Variants in BOP1 observed in about 807,000 individuals in gnomAD.
The protein encoded by BOP1 is BOP1 ribosomal biogenesis factor.
Under a neutral mutation model 82.9 loss-of-function variants are expected in BOP1, and 54 were observed. That is an observed-to-expected ratio of 0.65 (90% CI 0.52 to 0.82). The LOEUF (loss-of-function observed/expected upper bound fraction) is 0.82. Ranked by LOEUF, BOP1 falls within the 40% of genes least tolerant of loss-of-function variation. BOP1 has a pLI of 0.00. For synonymous variants in BOP1, 566 were observed against 451.1 expected (o/e 1.25, Z -3.23); for missense variants, 1,170 against 1,072.0 (o/e 1.09, Z -1.28).
At position 144,291,025 on chromosome 8, in the gene BOP1, C is replaced by A. The variant is rs941122073; in HGVS notation, c.99+247G>T. Among the ~76,000 whole-genome samples, 2 of 152,240 alleles carry A rather than the reference C, an allele frequency of 1.3e-5. No homozygotes were observed. The highest frequency in any genetic ancestry group is 2.9e-5 in the Non-Finnish European group (2 of 68,036). ...TGCACAAATGGAACGGCTGGAGAGGCTGCTGCAAGGGGCGCCCCGTCCCCA... is the reference window on the plus strand; with the variant it reads ...TGCACAAATGGAACGGCTGGAGAGGATGCTGCAAGGGGCGCCCCGTCCCCA... On this transcript the variant is annotated intron_variant, in intron 1 of 15. Transcript: ENST00000569669. The surrounding 1 kb of genome is among the most constrained non-coding windows in gnomAD (Gnocchi z 4.1).
chr8:144,268,011 G>C, intron 3 of BOP1: 3 of 1,541,926 alleles, frequency 1.9e-6, no homozygotes, highest in Non-Finnish European at 2.6e-6. Context: ...CTTGGCGCTG[G>C]CCACCTGAGA....
rs1294844303 is a variant in BOP1 at position 144,264,623 on chromosome 8, G to A, written c.664-7C>T. On this transcript the variant is annotated splice_region_variant and splice_polypyrimidine_tract_variant and intron_variant, in intron 5 of 15. Transcript: ENST00000569669. The stretch of plus-strand genomic sequence containing the variant: ...TGAAGAAGTCGACAGCCGGCTGGGG[G>A]AGAAGATGTGGGCGTGTGGGCCAGA... 10 of 1,589,672 alleles carry A rather than the reference G, an allele frequency of 6.3e-6. No individual in the cohort carries two copies. Among genetic ancestry groups the A allele is most frequent in the African/African-American group, 1.3e-5 (1 of 74,520 alleles).
chr8:144,263,351 G>A lies in BOP1; in HGVS notation c.1475C>T (p.Ala492Val), dbSNP rs1462472072. The A allele has an allele frequency of 1.1e-5, 17 of 1,595,492 alleles. No homozygotes were observed. In the Admixed American group the frequency reaches 1.2e-4, roughly 11 times the overall value. Residue 492 changes from alanine to valine, a missense_variant, in exon 12 of 16, where the codon GCG (alanine) becomes GTG (valine). Transcript: ENST00000569669. The stretch of plus-strand genomic sequence containing the variant: ...GCTCAACAGCTGATCTGTGCTGCCC[G>A]CCACCAGCCGGTCCCCCAGAGCTGG... The part of the protein sequence containing the change: ...LNPALGDRLV[A>V]GSTDQLLSAF...
rs1845341240 is a variant in BOP1 at position 144,265,525 on chromosome 8, C to T, written c.391-454G>A. On this transcript the variant is annotated intron_variant, in intron 3 of 15. Coordinates refer to ENST00000569669, the MANE Select transcript of BOP1 (RefSeq NM_015201.5). The stretch of plus-strand genomic sequence containing the variant: ...AAGCCAAGACCTCTCTGTGGGGGAC[C>T]CCCCACCGTCTGCCCTCGGCCCCTC... 6 of 177,548 alleles carry T rather than the reference C, an allele frequency of 3.4e-5. No homozygotes were observed. In the South Asian group the frequency reaches 9.1e-4, roughly 27 times the overall value. The allele number at this position is 177,548 out of a possible 1,614,324, so 11.0% of individuals were successfully genotyped here.
Position 144,264,544 on chromosome 8 carries a change from A to G in BOP1, c.736T>C (p.Phe246Leu). The change falls in exon 6 of 16, where the codon TTC becomes CTC. Residue 246 changes from phenylalanine (F) to leucine (L), a missense_variant. Coordinates refer to ENST00000569669, the MANE Select transcript of BOP1 (RefSeq NM_015201.5). ...TCCTTCTCCACCAGGGAGGGGATGA[A>G]GCTGCGCTTGTCGGCCGGGCGGTTG... ...VTNRPADKRS[F>L]IPSLVEKEKV... 6.2e-7 allele frequency: 1 copy of G among 1,610,582 alleles called. No individual in the cohort carries two copies. The highest frequency in any genetic ancestry group is 2.2e-5 in the East Asian group (1 of 44,840).
At chr8:144,290,677 A>C (rs1588613404) in intron 1 of BOP1, among the ~76,000 whole-genome samples, 1 of 152,196 alleles carries the variant, frequency 6.6e-6, no homozygotes, top group Non-Finnish European at 1.5e-5. Context: ...CATTCAGCCC[A>C]TGGGAGCCAG....
At chr8:144,265,165 G>C in intron 3 of BOP1, 94 bp from the exon 4 acceptor site, 1 of 1,436,732 alleles carries the variant, frequency 7.0e-7, no homozygotes, top group African/African-American at 1.4e-5. Flanking sequence ...GTTGCAGGGG[G>C]AGTGCAGGCC....
rs1424374707 is a variant in BOP1, at chr8:144,289,193, T to C, written c.211A>G (p.Ser71Gly). 1 of 1,614,088 alleles carries C rather than the reference T, an allele frequency of 6.2e-7. No individual in the cohort carries two copies. The highest frequency in any genetic ancestry group is 8.5e-7 in the Non-Finnish European group (1 of 1,180,036). Reference protein sequence around the residue: ...SGLEDSGSDSSEDDDEGDEEG... With the variant: ...SGLEDSGSDSGEDDDEGDEEG... ...TCGTCGCCTTCGTCATCATCCTCAC[T>C]GCTGTCACTGCCGGAATCTTCCAGG... Residue 71 changes from serine (S) to glycine (G), a missense_variant, in exon 2 of 16, where the codon AGT becomes GGT. Coordinates refer to ENST00000569669, the MANE Select transcript of BOP1 (RefSeq NM_015201.5).
intron 2 of BOP1, among the ~76,000 whole-genome samples, chr8:144,279,576 G>C (rs1214585945): frequency 6.6e-6 from 1 of 152,206 alleles, no homozygotes; most frequent in Non-Finnish European, 1.5e-5. Context: ...GGGGAGCGCT[G>C]GGGGAAGAGA....
intron 2 of BOP1, among the ~76,000 whole-genome samples, chr8:144,283,096 G>A (rs1476125202): frequency 6.7e-6 from 1 of 150,348 alleles, no homozygotes; most frequent in Admixed American, 6.7e-5. Context: ...TACTCAGGAG[G>A]TTGAGGCACG....
rs2130185818 is a variant in BOP1, at chr8:144,262,509, G to A, written c.1980-6C>T. 2 of 1,612,950 alleles carry A rather than the reference G, an allele frequency of 1.2e-6. No homozygotes were observed. The highest frequency in any genetic ancestry group is 1.3e-5 in the African/African-American group (1 of 74,978). The stretch of plus-strand genomic sequence containing the variant: ...GCAGAGCCTTCTTGTGGTGTCTGGG[G>A]GGAGGGAACCAGGTTGAAGGCAGGC... On this transcript the variant is annotated splice_region_variant and splice_polypyrimidine_tract_variant and intron_variant, in intron 14 of 15. Coordinates refer to ENST00000569669, the MANE Select transcript of BOP1 (RefSeq NM_015201.5).
Position 144,289,061 on chromosome 8 carries a change from G to A in BOP1, c.309+34C>T, listed in dbSNP as rs782614586. 4 of 1,611,038 alleles carry A rather than the reference G, an allele frequency of 2.5e-6. No homozygotes were observed. In the South Asian group the frequency reaches 4.4e-5, roughly 18 times the overall value. On this transcript the variant is annotated intron_variant, in intron 2 of 15. Transcript: ENST00000569669. ...AAGCCCAAGGCCACCTGCACATGGG[G>A]GACAGCCCTCGAGGGGGCTCCTCGC...
chr8:144,268,335 G>A (rs894149596), intron 3 of BOP1: 14 of 734,050 alleles, frequency 1.9e-5, no homozygotes, highest in Admixed American at 2.8e-5. Context: ...GGGACTCTGC[G>A]CTGGCCCCAG....
intron 3 of BOP1, 113 bp from the exon 4 acceptor site, chr8:144,265,184 A>T: frequency 7.8e-7 from 1 of 1,276,544 alleles, no homozygotes; most frequent in Non-Finnish European, 1.1e-6. Context: ...CCCAGCCTCA[A>T]GTGCCCTGAG....
Position 144,291,191 on chromosome 8 carries a change from G to A in BOP1, c.99+81C>T, listed in dbSNP as rs1022378394. 8.0e-7 allele frequency: 1 copy of A among 1,244,060 alleles called. No individual in the cohort carries two copies. The highest frequency in any genetic ancestry group is 1.0e-6 in the Non-Finnish European group (1 of 976,388). 77.1% of individuals were successfully genotyped at this position (1,244,060 alleles called of 1,614,324 possible). A position where few individuals can be genotyped will look rare whatever the true frequency, so the allele number is the denominator to read the frequency against. The stretch of plus-strand genomic sequence containing the variant: ...CGCGGGCGCCCAGGTGACAGAAGCC[G>A]GGCCCACCCGCCCCAGCGCGGCCAC... On this transcript the variant is annotated intron_variant, in intron 1 of 15. Transcript: ENST00000569669. The surrounding 1 kb of genome is among the most constrained non-coding windows in gnomAD (Gnocchi z 4.1).
At position 144,264,561 on chromosome 8, in the gene BOP1, G is replaced by C. The variant is rs994427127; in HGVS notation, c.719C>G (p.Pro240Arg). The change falls in exon 6 of 16, where the codon CCG (proline) becomes CGG (arginine). Residue 240 changes from proline (P) to arginine (R), a missense_variant. Pro to Arg is a moderately radical substitution (Grantham distance 103, BLOSUM62 -2). Coordinates refer to ENST00000569669, the MANE Select transcript of BOP1 (RefSeq NM_015201.5). The stretch of plus-strand genomic sequence containing the variant: ...GGGGATGAAGCTGCGCTTGTCGGCC[G>C]GGCGGTTGGTCACCGGGTGGATCAT... Reference protein sequence around the residue: ...DVMIHPVTNRPADKRSFIPSL... With the variant: ...DVMIHPVTNRRADKRSFIPSL... The C allele has an allele frequency of 1.9e-6, 3 of 1,609,638 alleles. No homozygotes were observed. The Admixed American group carries it at 5.0e-5, about 27-fold the overall frequency.
chr8:144,262,206 G>A lies in BOP1; in HGVS notation c.2199C>T (p.Val733=). The A allele has an allele frequency of 1.9e-6, 3 of 1,612,778 alleles. No homozygotes were observed. The highest frequency in any genetic ancestry group is 8.5e-7 in the Non-Finnish European group (1 of 1,179,830). ...DVIFHPTQPW[V]FSSGADGTVR... The stretch of plus-strand genomic sequence containing the variant: ...CAGTCCCGTCTGCCCCCGAGGAGAA[G>A]ACCCACGGCTGGGTGGGGTGGAAGA... Residue 733 remains valine, a synonymous_variant, in exon 16 of 16, where the codon GTC becomes GTT. Transcript: ENST00000569669.
chr8:144,262,879 A>G lies in BOP1; in HGVS notation c.1868T>C (p.Val623Ala). 1 of 1,380,678 alleles carries G rather than the reference A, an allele frequency of 7.2e-7. No homozygotes were observed. Among genetic ancestry groups the G allele is most frequent in the Non-Finnish European group, 9.5e-7 (1 of 1,051,526 alleles). The allele number at this position is 1,380,678 out of a possible 1,614,324, so 85.5% of individuals were successfully genotyped here. The change falls in exon 13 of 16, where the codon GTG (valine) becomes GCG (alanine). Residue 623 changes from valine to alanine, a missense_variant. Physicochemically the swap from Val to Ala is moderately conservative, Grantham distance 64. Transcript: ENST00000569669. ...TKKLMPNCKW[V>A]SSLAVHPAGD... The stretch of plus-strand genomic sequence containing the variant: ...TGCAGGGTGCACCGCCAGGCTGGAC[A>G]CCCACTTGCAGTTGGGCATCAGCTT...
rs1421087868 is a variant in BOP1 at position 144,265,014 on chromosome 8, C to T, written c.448G>A (p.Val150Met). 10 of 1,612,330 alleles carry T rather than the reference C, an allele frequency of 6.2e-6. No homozygotes were observed. Among genetic ancestry groups the T allele is most frequent in the African/African-American group, 4.0e-5 (3 of 75,020 alleles). ...CGCCTGCCATCCAGGTCGTAGCCCACGTGGGGGAAGTCATCGTACCACTCC... is the reference window on the plus strand; with the variant it reads ...CGCCTGCCATCCAGGTCGTAGCCCATGTGGGGGAAGTCATCGTACCACTCC... Reference protein sequence around the residue: ...PLEWYDDFPHVGYDLDGRRIY... With the variant: ...PLEWYDDFPHMGYDLDGRRIY... The change falls in exon 4 of 16, where the codon GTG becomes ATG. Residue 150 changes from valine to methionine, a missense_variant. Coordinates refer to ENST00000569669, the MANE Select transcript of BOP1 (RefSeq NM_015201.5).
Sources: allele counts gnomAD v4.1 joint callset (sites outside exome capture counted in the v4.1 genomes callset), GRCh38; gene constraint gnomAD v4.1.1; non-coding constraint Gnocchi (gnomAD v3.1); transcripts MANE v1.5; gene names NCBI Gene and HGNC (gene_info 2026-07-23, HGNC 2026-07-21).